HAPLN1: variants seen among roughly 807,000 people sequenced by gnomAD.
HAPLN1 encodes hyaluronan and proteoglycan link protein 1.
Under a neutral mutation model 36.5 loss-of-function variants are expected in HAPLN1, and 13 were observed. The ratio of observed to expected loss-of-function variants is 0.36; its 90% CI spans 0.23 to 0.57. The LOEUF (loss-of-function observed/expected upper bound fraction) is 0.57, where lower values mean the gene tolerates loss of function less well. Among genes scored for constraint, HAPLN1 ranks in the 20% least tolerant of loss-of-function variants. The probability of loss-of-function intolerance (pLI) is 0.83; values close to 1 mark genes in which losing one functional copy is unlikely to be tolerated. For missense variants in HAPLN1, 407 were observed against 439.7 expected (o/e 0.93, Z 0.66); for synonymous variants, 202 against 169.8 (o/e 1.19, Z -1.48).
chr5:83,698,313 CT>C (rs60889679), intron 1 of HAPLN1, among the ~76,000 whole-genome samples: 116,418 of 151,812 alleles, frequency 0.77, 44,819 homozygotes, highest in East Asian at 0.82. Flanking sequence ...TTATTTTTTT[CT>C]TTTTCTTTTC....
chr5:83,644,552 C>G lies in HAPLN1; in HGVS notation c.586G>C (p.Asp196His). 6.2e-7 allele frequency: 1 copy of G among 1,603,906 alleles called. No homozygotes were observed. The highest frequency in any genetic ancestry group is 8.5e-7 in the Non-Finnish European group (1 of 1,175,558). Reference sequence around the variant, plus strand: ...CAGTCCAGCCCGCCCCGCCAGGCGTCGTACAGCTGGTCGAAGGAGGCGATC... The same window carrying G: ...CAGTCCAGCCCGCCCCGCCAGGCGTGGTACAGCTGGTCGAAGGAGGCGATC... The part of the protein sequence containing the change: ...AVIASFDQLY[D>H]AWRGGLDWCN... Residue 196 changes from aspartate to histidine, a missense_variant, in exon 4 of 5, where the codon GAC becomes CAC. Asp to His is a moderately conservative substitution (Grantham distance 81, BLOSUM62 -1). Transcript: ENST00000274341.
intron 2 of HAPLN1, among the ~76,000 whole-genome samples, chr5:83,656,321 A>C (rs2112572364): frequency 2.0e-5 from 2 of 98,368 alleles, no homozygotes; most frequent in Non-Finnish European, 1.9e-5. Context: ...CAGAAAGACT[A>C]CGTCTCAAAA....
chr5:83,676,752 C>T lies in HAPLN1; in HGVS notation c.-26-3203G>A, dbSNP rs1750869333. 2.0e-5 allele frequency among the ~76,000 whole-genome samples: 3 copies of T among 152,242 alleles called. 1 individual carries two copies. In the South Asian group the frequency reaches 6.2e-4, roughly 32 times the overall value. On this transcript the variant is annotated intron_variant, in intron 1 of 4. Coordinates refer to ENST00000274341, the MANE Select transcript of HAPLN1 (RefSeq NM_001884.4). ...ACAATCGGGGAGACTTTTCCACAAC[C>T]AGCTATTATCAACTCCTGAATTAGT...
intron 1 of HAPLN1, chr5:83,682,539 A>T (rs1164315219): frequency 6.6e-6 from 1 of 152,206 alleles, no homozygotes; most frequent in Non-Finnish European, 1.5e-5. Context: ...TCATGCAGTC[A>T]ATCCTCATCT....
chr5:83,709,106 A>AGACCTCCC (rs1751718171), intron 1 of HAPLN1, among the ~76,000 whole-genome samples: 1 of 152,056 alleles, frequency 6.6e-6, no homozygotes, highest in Non-Finnish European at 1.5e-5. Flanking sequence ...CTTGAACTCC[A>AGACCTCCC]GACCTCCCAA....
chr5:83,648,395 C>CTATATATATATATA (rs56115447), intron 3 of HAPLN1, among the ~76,000 whole-genome samples: 45 of 60,658 alleles, frequency 7.4e-4, no homozygotes, highest in East Asian at 9.9e-4. Flanking sequence ...CTATATTTGA[C>CTATATATATATATA]TATATATATA....
chr5:83,658,385 T>C (rs1460517447), intron 2 of HAPLN1, among the ~76,000 whole-genome samples: 1 of 152,170 alleles, frequency 6.6e-6, no homozygotes, highest in Non-Finnish European at 1.5e-5. Context: ...ATGACTGAAA[T>C]ATACTAGTGC....
Position 83,673,427 on chromosome 5 carries a change from G to T in HAPLN1, c.97C>A (p.Gln33Lys), listed in dbSNP as rs1341103080. The T allele has an allele frequency of 6.3e-7, 1 of 1,585,598 alleles. No homozygotes were observed. The highest frequency in any genetic ancestry group is 1.8e-5 in the Admixed American group (1 of 54,934). Residue 33 changes from glutamine (Q) to lysine (K), a missense_variant, in exon 2 of 5, where the codon CAA becomes AAA. By Grantham distance (53) the Gln-to-Lys change is moderately conservative. Transcript: ENST00000274341. The stretch of plus-strand genomic sequence containing the variant: ...AAGAGAAGCTGTGTTTCCTTACCTT[G>T]GATGTGAATAGCTCTGTCATGATCC... Reference protein sequence around the residue: ...TLDHDRAIHIQAENGPHLLVE... With the variant: ...TLDHDRAIHIKAENGPHLLVE...
chr5:83,682,871 T>C (rs954520427), intron 1 of HAPLN1, among the ~76,000 whole-genome samples: 5 of 152,042 alleles, frequency 3.3e-5, no homozygotes, highest in African/African-American at 1.2e-4. Context: ...TTTTAAGCTT[T>C]TAAAACTAAA....
chr5:83,648,317 TTCTTA>T (rs1430190388), intron 3 of HAPLN1, among the ~76,000 whole-genome samples: 2 of 146,632 alleles, frequency 1.4e-5, no homozygotes, highest in Non-Finnish European at 3.0e-5. Context: ...ATATGGACAG[TTCTTA>T]ACAACTAACA....
chr5:83,697,648 C>T (rs1234175080), intron 1 of HAPLN1, among the ~76,000 whole-genome samples: 1 of 152,174 alleles, frequency 6.6e-6, no homozygotes, highest in Non-Finnish European at 1.5e-5. Flanking sequence ...GTTCATGCAA[C>T]CATGCATGAG....
intron 1 of HAPLN1, among the ~76,000 whole-genome samples, chr5:83,705,746 GA>G (rs1479581946): frequency 6.6e-6 from 1 of 151,700 alleles, no homozygotes; most frequent in Non-Finnish European, 1.5e-5. Flanking sequence ...GAAGGAAACT[GA>G]AACACAGAAA....
In HAPLN1 at chr5:83,641,502, G is replaced by A. The variant is rs527820077; in HGVS notation, c.1059C>T (p.Tyr353=). ...ATGCGCTCTAAGGGCACATTCAGTT[G>A]TATGCTCTGAAGCAGTAGACACCAT... is the stretch of plus-strand genomic sequence containing the variant. ...KLYGVYCFRA[Y]N is the part of the protein sequence containing the mutation. The change falls in exon 5 of 5, where the codon TAC becomes TAT. Residue 353 remains tyrosine (Y), a synonymous_variant. Transcript: ENST00000274341. The A allele has an allele frequency of 6.9e-6, 11 of 1,600,960 alleles. 1 individual carries two copies. The South Asian group carries it at 1.0e-4, about 15-fold the overall frequency.
Position 83,641,798 on chromosome 5 carries a change from G to A in HAPLN1, c.776-13C>T. On this transcript the variant is annotated splice_polypyrimidine_tract_variant and intron_variant, in intron 4 of 4. Coordinates refer to ENST00000274341, the MANE Select transcript of HAPLN1 (RefSeq NM_001884.4). Reference sequence around the variant, plus strand: ...TAGTAAAAACGGCCTGTAGAGAAAAGGAGACAGAGTCAATGGGCTGGTCTT... The same window carrying A: ...TAGTAAAAACGGCCTGTAGAGAAAAAGAGACAGAGTCAATGGGCTGGTCTT... 1 of 1,609,798 alleles carries A rather than the reference G, an allele frequency of 6.2e-7. No homozygotes were observed. Among genetic ancestry groups the A allele is most frequent in the Non-Finnish European group, 8.5e-7 (1 of 1,176,898 alleles).
In HAPLN1 at chr5:83,644,538, G is replaced by A. The variant is rs369262984; in HGVS notation, c.600C>T (p.Gly200=). ...SFDQLYDAWR[G]GLDWCNAGWL... ...AGCCGGCATTGCACCAGTCCAGCCC[G>A]CCCCGCCAGGCGTCGTACAGCTGGT... The change falls in exon 4 of 5, where the codon GGC becomes GGT. Residue 200 remains glycine, a synonymous_variant. Coordinates refer to ENST00000274341, the MANE Select transcript of HAPLN1 (RefSeq NM_001884.4). 2.6e-5 allele frequency: 42 copies of A among 1,608,806 alleles called. No homozygotes were observed. The highest frequency in any genetic ancestry group is 2.0e-4 in the African/African-American group (15 of 74,568).
At chr5:83,678,655 T>A (rs1027769808) in intron 1 of HAPLN1, among the ~76,000 whole-genome samples, 10 of 152,026 alleles carry the variant, frequency 6.6e-5, no homozygotes, top group Admixed American at 6.6e-4. Context: ...CCTTATGGGC[T>A]CAATTATCGA....
At chr5:83,661,100 T>C (rs1260908702) in intron 2 of HAPLN1, among the ~76,000 whole-genome samples, 1 of 152,160 alleles carries the variant, frequency 6.6e-6, no homozygotes, top group Non-Finnish European at 1.5e-5. Context: ...CCTAATCTAG[T>C]GGTTCTTAGC....
At chr5:83,654,052 C>T (rs535513335) in intron 2 of HAPLN1, among the ~76,000 whole-genome samples, 1 of 152,320 alleles carries the variant, frequency 6.6e-6, no homozygotes, top group South Asian at 2.1e-4. Flanking sequence ...GTCCAAATCA[C>T]TGGGAAGAGT....
intron 1 of HAPLN1, among the ~76,000 whole-genome samples, chr5:83,677,348 T>G (rs1750883599): frequency 6.6e-6 from 1 of 152,134 alleles, no homozygotes; most frequent in Non-Finnish European, 1.5e-5. Context: ...TTGTCGTGGG[T>G]CCCCTGACGA....
Sources: gnomAD v4.1 joint callset for allele counts (sites outside exome capture counted in the v4.1 genomes callset) on GRCh38, gnomAD v4.1.1 for gene constraint, MANE v1.5 for transcripts, NCBI Gene and HGNC (gene_info 2026-07-23, HGNC 2026-07-21) for gene names.